The following RANBP10 variants were observed in gnomAD, a reference collection of about 807,000 sequenced individuals.
RANBP10 encodes the protein ran-binding protein 10.
RANBP10 carries 24 observed loss-of-function variants against 72.8 expected under a neutral mutation model. That is an observed-to-expected ratio of 0.33 (90% confidence interval 0.24 to 0.46). RANBP10 has a LOEUF of 0.46. Among genes scored for constraint, RANBP10 ranks in the 20% least tolerant of loss-of-function variants. RANBP10 has a pLI of 1.00. For missense variants in RANBP10, 679 were observed against 817.5 expected (o/e 0.83, Z 2.07); for synonymous variants, 310 against 322.3 (o/e 0.96, Z 0.41).
rs1441486452 is a variant in RANBP10 at position 67,730,625 on chromosome 16, T to C, written c.890-579A>G. ...CAGCATCTTGCTGCTGCCTTTTCGC[T>C]CTTGCCGTGGGGCCTGGTGCATCTC... is the stretch of plus-strand genomic sequence containing the variant. On this transcript the variant is annotated intron_variant, in intron 7 of 13. Coordinates refer to ENST00000317506, the MANE Select transcript of RANBP10 (RefSeq NM_020850.3). The surrounding 1 kb of genome is among the most constrained non-coding windows in gnomAD (Gnocchi z 4.3). Among the ~76,000 whole-genome samples the C allele has an allele frequency of 6.6e-6, 1 of 152,072 alleles. No individual in the cohort carries two copies. The highest frequency in any genetic ancestry group is 1.5e-5 in the Non-Finnish European group (1 of 67,986).
intron 2 of RANBP10, among the ~76,000 whole-genome samples, chr16:67,804,344 T>A (rs951276071): frequency 2.0e-5 from 3 of 152,014 alleles, no homozygotes; most frequent in South Asian, 2.1e-4. Context: ...ATCTCCCCTA[T>A]GATTTCCTGT....
chr16:67,728,131 C>A (rs1042433469), intron 11 of RANBP10, among the ~76,000 whole-genome samples: 1 of 152,234 alleles, frequency 6.6e-6, no homozygotes, highest in South Asian at 2.1e-4. Context: ...TGCACAGACG[C>A]AGGGTGCTCA....
At chr16:67,740,374 G>C (rs2053944896) in intron 4 of RANBP10, among the ~76,000 whole-genome samples, 1 of 152,014 alleles carries the variant, frequency 6.6e-6, no homozygotes, top group Non-Finnish European at 1.5e-5. Context: ...AAAGTGCTGG[G>C]ATTACAGTCG....
At position 67,806,294 on chromosome 16, in the gene RANBP10, GCCGATA is replaced by G; in HGVS notation, c.235+2_235+7del. The stretch of plus-strand genomic sequence containing the variant: ...GCCTTAATTCCCCCCAGCCTGACGG[GCCGATA>G]CCTTTGTAGTGGACGCGGAGGTTGC... On this transcript the variant is annotated splice_donor_variant and splice_donor_5th_base_variant and intron_variant, in intron 1 of 13. Coordinates refer to ENST00000317506, the MANE Select transcript of RANBP10 (RefSeq NM_020850.3). LOFTEE classifies it high-confidence loss of function. 6.2e-7 allele frequency: 1 copy of G among 1,605,656 alleles called. No homozygotes were observed. The highest frequency in any genetic ancestry group is 1.1e-5 in the South Asian group (1 of 89,950).
chr16:67,790,863 C>T (rs1010956374), intron 2 of RANBP10, among the ~76,000 whole-genome samples: 1 of 151,268 alleles, frequency 6.6e-6, no homozygotes, highest in Non-Finnish European at 1.5e-5. Context: ...CCATGCCTGG[C>T]TAATTTTTGT....
intron 2 of RANBP10, among the ~76,000 whole-genome samples, chr16:67,777,258 T>G (rs1265121109): frequency 6.6e-6 from 1 of 151,798 alleles, no homozygotes; most frequent in Non-Finnish European, 1.5e-5. Context: ...TAAAGTAGGC[T>G]GGGCGCGGTG....
In RANBP10 at chr16:67,729,301, C is replaced by G. The variant is rs1215559804; in HGVS notation, c.1331G>C (p.Ser444Thr). The G allele has an allele frequency of 6.2e-7, 1 of 1,612,602 alleles. No homozygotes were observed. The highest frequency in any genetic ancestry group is 8.5e-7 in the Non-Finnish European group (1 of 1,179,814). Residue 444 changes from serine (S) to threonine (T), a missense_variant, in exon 10 of 14, where the codon AGT (serine) becomes ACT (threonine). Transcript: ENST00000317506. This position sits in a 1 kb window ranked among gnomAD's most constrained non-coding sequence, Gnocchi z 7.1. Reference protein sequence around the residue: ...TDSTKSQHHSSTSNQETSDSE... With the variant: ...TDSTKSQHHSTTSNQETSDSE... ...GCACCTGGTCTCCTGGTTACTGGTA[C>G]TGCTGTGGTGCTGGGACTTGGTGGA... is the stretch of plus-strand genomic sequence containing the variant.
rs1297036594 is a variant in RANBP10 at position 67,729,390 on chromosome 16, G to C, written c.1242C>G (p.Ser414=). Residue 414 remains serine, a synonymous_variant, in exon 10 of 14, where the codon TCC becomes TCG. Coordinates refer to ENST00000317506, the MANE Select transcript of RANBP10 (RefSeq NM_020850.3). The surrounding 1 kb of genome is among the most constrained non-coding windows in gnomAD (Gnocchi z 7.1). ...GGGAAGAGGACGAGGAGGAGGAGGAGGACGAGGATGAGGAGCTGGGTGCAG... is the reference window on the plus strand; with the variant it reads ...GGGAAGAGGACGAGGAGGAGGAGGACGACGAGGATGAGGAGCTGGGTGCAG... ...KYPAPSSSSS[S]SSSSSSSSPS... The C allele has an allele frequency of 1.2e-6, 2 of 1,612,712 alleles. No homozygotes were observed. Among genetic ancestry groups the C allele is most frequent in the Non-Finnish European group, 8.5e-7 (1 of 1,179,250 alleles).
chr16:67,747,542 C>G (rs933498232), intron 3 of RANBP10, among the ~76,000 whole-genome samples: 1 of 152,144 alleles, frequency 6.6e-6, no homozygotes, highest in Non-Finnish European at 1.5e-5. Flanking sequence ...CACACTCTCT[C>G]GTCCAGACTG....
rs761745129 is a variant in RANBP10, at chr16:67,724,837, T to A, written c.*1591A>T. The A allele has an allele frequency of 3.3e-5, 5 of 152,392 alleles. No individual in the cohort carries two copies. The highest frequency in any genetic ancestry group is 4.1e-4 in the South Asian group (2 of 4,828). The allele number at this position is 152,392 out of a possible 1,614,324, so 9.4% of individuals were successfully genotyped here. Reference sequence around the variant, plus strand: ...CCAGATTCAGGCAGGGACTGAAAGTTCAACTTCCGGCCTTGCCATGGCTGA... The same window carrying A: ...CCAGATTCAGGCAGGGACTGAAAGTACAACTTCCGGCCTTGCCATGGCTGA... On this transcript the variant is annotated 3_prime_UTR_variant, in exon 14 of 14. Coordinates refer to ENST00000317506, the MANE Select transcript of RANBP10 (RefSeq NM_020850.3).
rs189795120 is a variant in RANBP10 at position 67,727,468 on chromosome 16, G to A, written c.1621-30C>T. On this transcript the variant is annotated intron_variant, in intron 12 of 13. Transcript: ENST00000317506. ...AGGACAGGGCATTCTTGAGAGGACT[G>A]TGGCACACACCATAGCTCACCCTGC... 1.8e-3 allele frequency: 2,793 copies of A among 1,585,638 alleles called. 60 individuals are homozygous for A. In the Admixed American group the frequency reaches 0.043, roughly 24 times the overall value.
Position 67,753,099 on chromosome 16 carries a change from G to A in RANBP10, c.401-8644C>T, listed in dbSNP as rs181742598. 2.6e-5 allele frequency among the ~76,000 whole-genome samples: 4 copies of A among 151,670 alleles called. No homozygotes were observed. The East Asian group carries it at 7.8e-4, about 29-fold the overall frequency. On this transcript the variant is annotated intron_variant, in intron 3 of 13. Transcript: ENST00000317506. ...TACAAAAAAATACAAAAACTAGCTG[G>A]GTGTGGCGGTGTGTACTTGTGGTCC...
intron 6 of RANBP10, among the ~76,000 whole-genome samples, chr16:67,731,829 G>C (rs2053739979): frequency 6.6e-6 from 1 of 152,196 alleles, no homozygotes; most frequent in African/African-American, 2.4e-5. Flanking sequence ...TCAGAGGAGT[G>C]GCTGCAGTTT....
At chr16:67,728,351 C>T (rs745831856) in intron 11 of RANBP10, 39 bp downstream of exon 11, 1 of 1,604,860 alleles carries the variant, frequency 6.2e-7, no homozygotes, top group Non-Finnish European at 8.5e-7. Context: ...AGACTGCACA[C>T]TGCCCTCAAA....
Position 67,726,209 on chromosome 16 carries a change from T to A in RANBP10, c.*219A>T, listed in dbSNP as rs975389014. The stretch of plus-strand genomic sequence containing the variant: ...TGAGAGTAACCAGCCAATACTGTGT[T>A]ACAGGCCGCTGCACGTGAAGGGGAG... On this transcript the variant is annotated 3_prime_UTR_variant, in exon 14 of 14. Transcript: ENST00000317506. 5.2e-6 allele frequency: 3 copies of A among 578,226 alleles called. No homozygotes were observed. Among genetic ancestry groups the A allele is most frequent in the Non-Finnish European group, 8.9e-6 (3 of 338,694 alleles). 35.8% of individuals were successfully genotyped at this position (578,226 alleles called of 1,614,324 possible).
At chr16:67,741,776 A>C (rs2053974103) in intron 4 of RANBP10, among the ~76,000 whole-genome samples, 1 of 152,230 alleles carries the variant, frequency 6.6e-6, no homozygotes. Context: ...CACATAGTGC[A>C]AGGGCTGTTG....
At chr16:67,773,208 A>G (rs1482555444) in intron 2 of RANBP10, among the ~76,000 whole-genome samples, 1 of 152,094 alleles carries the variant, frequency 6.6e-6, no homozygotes, top group African/African-American at 2.4e-5. Context: ...TTCTTGCTCT[A>G]TGTTCCTGCG....
rs1412728296 is a variant in RANBP10, at chr16:67,723,668, G to A, written c.*2760C>T. On this transcript the variant is annotated 3_prime_UTR_variant, in exon 14 of 14. Transcript: ENST00000317506. ...GACCATTTGGTGCCGCAAGGGGAAA[G>A]TGAGTAGGGAAGGCTGCTCCCCAGG... The A allele has an allele frequency of 6.6e-6, 1 of 152,620 alleles. No individual in the cohort carries two copies. Among genetic ancestry groups the A allele is most frequent in the Admixed American group, 6.5e-5 (1 of 15,282 alleles). The allele number at this position is 152,620 out of a possible 1,614,324, so 9.5% of individuals were successfully genotyped here.
chr16:67,743,950 G>A (rs903524409), intron 4 of RANBP10, among the ~76,000 whole-genome samples: 22 of 152,122 alleles, frequency 1.4e-4, no homozygotes, highest in African/African-American at 5.3e-4. Flanking sequence ...TCACAGGCAC[G>A]CAAACCACCA....
Sources: allele counts gnomAD v4.1 joint callset (sites outside exome capture counted in the v4.1 genomes callset), GRCh38; gene constraint gnomAD v4.1.1; non-coding constraint Gnocchi (gnomAD v3.1); transcripts MANE v1.5; gene names NCBI Gene and HGNC (gene_info 2026-07-23, HGNC 2026-07-21).